Variants in SLC4A8 observed in about 807,000 individuals in gnomAD.
The protein encoded by SLC4A8 is solute carrier family 4 member 8, also known as electroneutral sodium bicarbonate exchanger 1.
SLC4A8 carries 40 observed loss-of-function variants against 125.0 expected under a neutral mutation model. The observed-to-expected ratio is 0.32, with a 90% CI of 0.25 to 0.42. SLC4A8 has a LOEUF of 0.42. Among genes scored for constraint, SLC4A8 ranks in the 10% least tolerant of loss-of-function variants. The pLI, the probability that SLC4A8 is intolerant of heterozygous loss-of-function variation, is 1.00. For missense variants in SLC4A8, 863 were observed against 1,355.1 expected (o/e 0.64, Z 5.70); for synonymous variants, 456 against 476.0 (o/e 0.96, Z 0.55).
chr12:51,440,058 T>C (rs945786467), intron 1 of SLC4A8, among the ~76,000 whole-genome samples: 4 of 152,082 alleles, frequency 2.6e-5, no homozygotes, highest in South Asian at 2.1e-4. Flanking sequence ...AGACTAAGGA[T>C]GAGACAGAGG....
rs1385937650 is a variant in SLC4A8 at position 51,400,684 on chromosome 12, CTT to C, written c.-112+9201_-112+9202del. On this transcript the variant is annotated intron_variant, in intron 1 of 24. Transcript: ENST00000358657. Reference sequence around the variant, plus strand: ...TGTCTAGTTTGTTTATATGACATAACTTTTTTCCAACGGTACTTGAGAGGAGT... The same window carrying C: ...TGTCTAGTTTGTTTATATGACATAACTTTTCCAACGGTACTTGAGAGGAGT... Among the ~76,000 whole-genome samples, 3 of 129,330 alleles carry C rather than the reference CTT, an allele frequency of 2.3e-5. No homozygotes were observed. The Admixed American group carries it at 2.5e-4, about 11-fold the overall frequency. 84.8% of individuals were successfully genotyped at this position (129,330 alleles called of 152,430 possible). A position where few individuals can be genotyped will look rare whatever the true frequency, so the allele number is the denominator to read the frequency against.
rs1948395761 is a variant in SLC4A8 at position 51,401,632 on chromosome 12, C to T, written c.-112+10144C>T. On this transcript the variant is annotated intron_variant, in intron 1 of 24. Coordinates refer to the SLC4A8 transcript ENST00000358657. Reference sequence around the variant, plus strand: ...GACGTCCAGCCGCTTGTGTCTCTGCCCGCTCGGGTCTCGGGGTTTTTATAG... The same window carrying T: ...GACGTCCAGCCGCTTGTGTCTCTGCTCGCTCGGGTCTCGGGGTTTTTATAG... 2.0e-5 allele frequency among the ~76,000 whole-genome samples: 3 copies of T among 152,150 alleles called. 1 individual carries two copies. The South Asian group carries it at 6.2e-4, about 32-fold the overall frequency.
chr12:51,399,528 AG>A (rs1378102496), intron 1 of SLC4A8, among the ~76,000 whole-genome samples: 1 of 152,168 alleles, frequency 6.6e-6, no homozygotes, highest in African/African-American at 2.4e-5. Flanking sequence ...CCTCTTACTG[AG>A]CTCTCTTTGT....
At chr12:51,498,539 A>G (rs1483987043) in intron 22 of SLC4A8, among the ~76,000 whole-genome samples, 12 of 151,872 alleles carry the variant, frequency 7.9e-5, no homozygotes, top group Admixed American at 2.0e-4. Flanking sequence ...AAAGATAAAA[A>G]CAAGTGTTGG....
intron 3 of SLC4A8, 139 bp from the exon 4 acceptor site, chr12:51,451,985 C>A: frequency 2.3e-5 from 18 of 788,518 alleles, no homozygotes; most frequent in Admixed American, 7.4e-5. Context: ...GTAGCTTTTT[C>A]TCTGAGAATA....
intron 16 of SLC4A8, among the ~76,000 whole-genome samples, chr12:51,482,456 C>T (rs1486478267): frequency 6.6e-6 from 1 of 152,086 alleles, no homozygotes; most frequent in Non-Finnish European, 1.5e-5. Context: ...TCGGCTCACT[C>T]CAACCTCCAC....
At chr12:51,425,381 C>A (rs1948936152) in intron 1 of SLC4A8, 3 of 1,128,054 alleles carry the variant, frequency 2.7e-6, no homozygotes, top group East Asian at 5.5e-5. Context: ...CCTGCCAGAA[C>A]GTGGGCAGAA....
intron 21 of SLC4A8, 86 bp from the exon 22 acceptor site, chr12:51,496,901 G>A (rs1856908246): frequency 1.5e-6 from 2 of 1,354,292 alleles, no homozygotes; most frequent in Non-Finnish European, 1.0e-6. Context: ...AAATGTCCTA[G>A]TCTGCTGTGA....
intron 1 of SLC4A8, among the ~76,000 whole-genome samples, chr12:51,411,378 C>T (rs1050988811): frequency 8.6e-5 from 13 of 151,698 alleles, no homozygotes; most frequent in Non-Finnish European, 1.9e-4. Context: ...ATTTGAGCCC[C>T]GGAATTCAAG....
intron 1 of SLC4A8, among the ~76,000 whole-genome samples, chr12:51,429,164 G>C (rs1256426637): frequency 6.6e-6 from 1 of 151,978 alleles, no homozygotes; most frequent in Non-Finnish European, 1.5e-5. Context: ...CACCTGCCTC[G>C]GCCTCCCAAA....
chr12:51,473,925 T>C (rs1950784410), intron 14 of SLC4A8, among the ~76,000 whole-genome samples: 1 of 152,178 alleles, frequency 6.6e-6, no homozygotes, highest in African/African-American at 2.4e-5. Flanking sequence ...ATATTCAGGC[T>C]TGGAAGAAGT....
chr12:51,462,256 T>C lies in SLC4A8; in HGVS notation c.1102-54T>C, dbSNP rs1950350905. On this transcript the variant is annotated intron_variant, in intron 9 of 24. Coordinates refer to ENST00000453097, the MANE Select transcript of SLC4A8 (RefSeq NM_001039960.3). ...CATTTTTCACCATATCCATTGGTGA[T>C]TGTTTCATGTAAAGTTACTTTTAAC... 3.4e-5 allele frequency: 51 copies of C among 1,500,390 alleles called. No homozygotes were observed. The South Asian group carries it at 5.6e-4, about 17-fold the overall frequency. The allele number at this position is 1,500,390 out of a possible 1,614,324, so 92.9% of individuals were successfully genotyped here. A position where few individuals can be genotyped will look rare whatever the true frequency, so the allele number is the denominator to read the frequency against.
intron 9 of SLC4A8, 29 bp from the exon 10 acceptor site, chr12:51,462,281 C>T: frequency 2.5e-6 from 4 of 1,609,970 alleles, no homozygotes; most frequent in Non-Finnish European, 3.4e-6. Flanking sequence ...TTACTTTTAA[C>T]TTTCCTGAGG....
chr12:51,492,971 G>A (rs1193647570), intron 19 of SLC4A8, among the ~76,000 whole-genome samples: 2 of 151,972 alleles, frequency 1.3e-5, no homozygotes, highest in Admixed American at 6.6e-5. Context: ...TTAGTTTGGA[G>A]GGATTTTCTA....
chr12:51,457,417 A>G lies in SLC4A8; in HGVS notation c.641A>G (p.Glu214Gly), dbSNP rs1950186092. Residue 214 changes from glutamate (E) to glycine (G), a missense_variant, in exon 6 of 25, where the codon GAA becomes GGA. By Grantham distance (98) the Glu-to-Gly change is moderately conservative. Transcript: ENST00000453097. ...GACAGCATGAGGGTTAAAGTGCGGGAAGCCCTTCTCAAAAAGCATCATCAT... is the reference window on the plus strand; with the variant it reads ...GACAGCATGAGGGTTAAAGTGCGGGGAGCCCTTCTCAAAAAGCATCATCAT... ...LNDSMRVKVR[E>G]ALLKKHHHQN... 6.2e-7 allele frequency: 1 copy of G among 1,613,938 alleles called. No homozygotes were observed. The highest frequency in any genetic ancestry group is 1.3e-5 in the African/African-American group (1 of 74,902).
intron 1 of SLC4A8, chr12:51,403,435 C>T (rs561843791): frequency 1.4e-4 from 49 of 351,730 alleles, no homozygotes; most frequent in South Asian, 7.9e-4. Flanking sequence ...CAAGAATGGC[C>T]GCTTGGATCC....
chr12:51,448,254 T>C (rs1944179123), intron 2 of SLC4A8, among the ~76,000 whole-genome samples: 1 of 152,110 alleles, frequency 6.6e-6, no homozygotes, highest in South Asian at 2.1e-4. Context: ...GCCCCTGCTT[T>C]GTTAAAGTGG....
At chr12:51,435,144 T>C (rs542315882) in intron 1 of SLC4A8, among the ~76,000 whole-genome samples, 7 of 152,342 alleles carry the variant, frequency 4.6e-5, no homozygotes, top group African/African-American at 1.7e-4. Flanking sequence ...AGGGACAATT[T>C]ATTTGGTAAG....
intron 16 of SLC4A8, among the ~76,000 whole-genome samples, chr12:51,483,446 A>G (rs1311501615): frequency 5.4e-5 from 8 of 149,330 alleles, no homozygotes; most frequent in African/African-American, 2.0e-4. Flanking sequence ...AGCCAGACAC[A>G]TTTTCTTTTT....
Sources: allele counts gnomAD v4.1 joint callset (sites outside exome capture counted in the v4.1 genomes callset), GRCh38; gene constraint gnomAD v4.1.1; transcripts MANE v1.5; gene names NCBI Gene and HGNC (gene_info 2026-07-23, HGNC 2026-07-21).